Variants in SLC39A11 observed in about 807,000 individuals in gnomAD.
SLC39A11 encodes the protein zinc transporter ZIP11.
A neutral mutation model predicts 36.1 loss-of-function variants in SLC39A11; 33 were observed. The observed-to-expected ratio is 0.91, with a 90% CI of 0.69 to 1.22. The LOEUF is 1.22. SLC39A11 is among the 50% of genes most tolerant of loss of function. SLC39A11 has a pLI of 0.00. For synonymous variants in SLC39A11, 166 were observed against 170.3 expected (o/e 0.97, Z 0.20); for missense variants, 432 against 430.3 (o/e 1.00, Z -0.03).
chr17:72,692,515 A>T (rs2072083681), intron 7 of SLC39A11, among the ~76,000 whole-genome samples: 1 of 152,152 alleles, frequency 6.6e-6, no homozygotes, highest in African/African-American at 2.4e-5. Context: ...GCAAGAGAAA[A>T]TGAGGAAGAG....
intron 3 of SLC39A11, among the ~76,000 whole-genome samples, chr17:73,063,652 T>C (rs916595029): frequency 5.3e-5 from 8 of 152,000 alleles, no homozygotes; most frequent in African/African-American, 1.7e-4. Context: ...ATAAAACCTA[T>C]GGCCACAAGA....
At chr17:72,919,653 C>G (rs997155704) in intron 5 of SLC39A11, among the ~76,000 whole-genome samples, 1 of 124,074 alleles carries the variant, frequency 8.1e-6, no homozygotes, top group African/African-American at 3.3e-5. Context: ...GACTGGGCGA[C>G]AGAGGGAGAG....
intron 6 of SLC39A11, among the ~76,000 whole-genome samples, chr17:72,800,303 A>AT (rs34172959): frequency 0.045 from 4,022 of 90,326 alleles, 134 homozygotes; most frequent in Admixed American, 0.064. Context: ...ACCTACAATA[A>AT]TTTTTTTTTT....
intron 3 of SLC39A11, among the ~76,000 whole-genome samples, chr17:73,065,183 T>C (rs1339808924): frequency 1.3e-5 from 2 of 152,076 alleles, no homozygotes; most frequent in Admixed American, 6.6e-5. Flanking sequence ...GGCTGGCAGA[T>C]CACTTGAGGT....
At chr17:73,000,088 C>T (rs537347958) in intron 4 of SLC39A11, among the ~76,000 whole-genome samples, 1 of 152,120 alleles carries the variant, frequency 6.6e-6, no homozygotes, top group African/African-American at 2.4e-5. Flanking sequence ...GGGAATTGCC[C>T]ACTTTATGAG....
At chr17:72,961,919 G>C (rs2086640272) in intron 4 of SLC39A11, among the ~76,000 whole-genome samples, 1 of 152,088 alleles carries the variant, frequency 6.6e-6, no homozygotes, top group Admixed American at 6.6e-5. Flanking sequence ...GTATGCAAAT[G>C]GTACCTAACT....
intron 3 of SLC39A11, among the ~76,000 whole-genome samples, chr17:73,079,115 A>G (rs1162678362): frequency 6.6e-6 from 1 of 152,044 alleles, no homozygotes; most frequent in African/African-American, 2.4e-5. Flanking sequence ...TTTGTTTTTG[A>G]TGAAGTCTCA....
At chr17:72,735,714 G>A (rs901299010) in intron 7 of SLC39A11, among the ~76,000 whole-genome samples, 2 of 152,156 alleles carry the variant, frequency 1.3e-5, no homozygotes, top group African/African-American at 2.4e-5. Context: ...ACTTGAGTTT[G>A]CTGCCCTCAG....
At chr17:72,682,136 T>A (rs558289490) in intron 7 of SLC39A11, among the ~76,000 whole-genome samples, 5 of 144,044 alleles carry the variant, frequency 3.5e-5, no homozygotes, top group South Asian at 2.1e-4. Context: ...TCGGTCACTG[T>A]CCCCCATCAC....
At chr17:72,738,400 G>T (rs1335077531) in intron 6 of SLC39A11, among the ~76,000 whole-genome samples, 1 of 152,180 alleles carries the variant, frequency 6.6e-6, no homozygotes, top group African/African-American at 2.4e-5. Flanking sequence ...TACACTGATG[G>T]GGTGGCTGGA....
chr17:73,012,045 C>T (rs985117231), intron 4 of SLC39A11, among the ~76,000 whole-genome samples: 8 of 149,786 alleles, frequency 5.3e-5, no homozygotes, highest in African/African-American at 2.0e-4. Flanking sequence ...GAGGCCGAGG[C>T]GTGTAGATCA....
At chr17:73,047,052 T>G in intron 3 of SLC39A11, among the ~76,000 whole-genome samples, 1 of 143,640 alleles carries the variant, frequency 7.0e-6, no homozygotes, top group Admixed American at 7.1e-5. Context: ...TGAGACGGAG[T>G]CTCGCTCTGT....
intron 6 of SLC39A11, among the ~76,000 whole-genome samples, chr17:72,780,520 T>TGGGGGG (rs140108885): frequency 5.4e-5 from 3 of 55,522 alleles, no homozygotes; most frequent in Non-Finnish European, 6.8e-5. Flanking sequence ...GCCCTGAAGA[T>TGGGGGG]GGGGGGCGGG....
chr17:72,763,002 A>C (rs1463422887), intron 6 of SLC39A11, among the ~76,000 whole-genome samples: 3 of 152,128 alleles, frequency 2.0e-5, no homozygotes, highest in African/African-American at 7.2e-5. Flanking sequence ...CTCCCTCTAA[A>C]CTGTGGTTTC....
chr17:72,959,364 T>TATATATATATATATAC (rs1375295540), intron 4 of SLC39A11, among the ~76,000 whole-genome samples: 3 of 138,984 alleles, frequency 2.2e-5, no homozygotes, highest in African/African-American at 7.9e-5. Flanking sequence ...TATATATATA[T>TATATATATATATATAC]ATGATCGAAT....
At chr17:72,816,592 G>A (rs1279438535) in intron 6 of SLC39A11, among the ~76,000 whole-genome samples, 1 of 152,152 alleles carries the variant, frequency 6.6e-6, no homozygotes, top group East Asian at 1.9e-4. Context: ...GATTTGCAGA[G>A]GTGTCTGTCA....
chr17:72,905,627 G>C (rs1378959330), intron 5 of SLC39A11, among the ~76,000 whole-genome samples: 3 of 151,742 alleles, frequency 2.0e-5, no homozygotes, highest in Non-Finnish European at 4.4e-5. Context: ...GGTCTCTCTT[G>C]GTCACCCAGG....
At chr17:73,084,907 CA>C in intron 2 of SLC39A11, 61 bp from the exon 3 acceptor site, 1 of 1,564,684 alleles carries the variant, frequency 6.4e-7, no homozygotes, top group Non-Finnish European at 8.8e-7. Flanking sequence ...TTTCCTGGGA[CA>C]AGAAGAAACC....
chr17:72,796,414 G>A (rs557251255), intron 6 of SLC39A11, among the ~76,000 whole-genome samples: 28 of 152,144 alleles, frequency 1.8e-4, no homozygotes, highest in Non-Finnish European at 2.6e-4. Flanking sequence ...TTTTTGCTGC[G>A]CTCCTATTCC....
Sources: gnomAD v4.1 joint callset for allele counts (sites outside exome capture counted in the v4.1 genomes callset) on GRCh38, gnomAD v4.1.1 for gene constraint, MANE v1.5 for transcripts, NCBI Gene and HGNC (gene_info 2026-07-23, HGNC 2026-07-21) for gene names.